Variants in ARHGAP6 observed in about 807,000 individuals in gnomAD.
ARHGAP6 encodes the protein Rho GTPase activating protein 6, also known as rho GTPase-activating protein 6.
In ARHGAP6, 16 loss-of-function variants were observed where a neutral mutation model predicts 55.7. The observed-to-expected ratio is 0.29, with a 90% confidence interval of 0.19 to 0.44. ARHGAP6 has a LOEUF of 0.44. ARHGAP6 is among the 20% of genes least tolerant of loss of function. ARHGAP6 has a pLI of 1.00. For synonymous variants in ARHGAP6, 382 were observed against 360.9 expected (o/e 1.06, Z -0.66); for missense variants, 698 against 808.9 (o/e 0.86, Z 1.66).
In ARHGAP6 at chrX:11,209,389, C is replaced by T. The variant is rs192105700; in HGVS notation, c.749-12393G>A. 5.3e-4 allele frequency among the ~76,000 whole-genome samples: 59 copies of T among 112,000 alleles called. 1 individual carries two copies. Among genetic ancestry groups the T allele is most frequent in the Non-Finnish European group, 8.5e-4 (45 of 53,194 alleles). ...CAAACTCCTGGCCTCAAATGATCTG[C>T]CTGTCTCAGCCTCCCAAATGGCTGG... On this transcript the variant is annotated intron_variant, in intron 2 of 12. Coordinates refer to ENST00000337414, the MANE Select transcript of ARHGAP6 (RefSeq NM_013427.3).
intron 7 of ARHGAP6, 69 bp from the exon 8 acceptor site, chrX:11,178,317 C>G: frequency 9.4e-7 from 1 of 1,068,206 alleles, no homozygotes; most frequent in East Asian, 3.3e-5. Context: ...GAGGAAAGGC[C>G]TCCTCTCAAT....
At chrX:11,156,358 T>C (rs755368374) in intron 10 of ARHGAP6, among the ~76,000 whole-genome samples, 171 bp downstream of exon 10, 1 of 112,612 alleles carries the variant, frequency 8.9e-6, no homozygotes, top group East Asian at 2.8e-4. Context: ...AGTGGATTGA[T>C]GGGACCCGAA....
intron 1 of ARHGAP6, among the ~76,000 whole-genome samples, chrX:11,389,943 A>G (rs1774505583): frequency 8.9e-6 from 1 of 111,999 alleles, no homozygotes; most frequent in Non-Finnish European, 1.9e-5. Flanking sequence ...GGGAACTAGA[A>G]GTCTATTCTA....
chrX:11,438,720 C>T (rs1364230789), intron 1 of ARHGAP6, among the ~76,000 whole-genome samples: 1 of 112,701 alleles, frequency 8.9e-6, no homozygotes, highest in Non-Finnish European at 1.9e-5. Context: ...GAGGTTATCA[C>T]ATAAGATGGG....
chrX:11,540,063 G>T (rs1363487338), intron 1 of ARHGAP6, among the ~76,000 whole-genome samples: 1 of 109,858 alleles, frequency 9.1e-6, no homozygotes, highest in African/African-American at 3.3e-5. Flanking sequence ...AGACCAGCCT[G>T]GCCAAGATGG....
At chrX:11,285,911 A>G (rs1381404013) in intron 1 of ARHGAP6, among the ~76,000 whole-genome samples, 1 of 112,393 alleles carries the variant, frequency 8.9e-6, no homozygotes, top group East Asian at 2.8e-4. Context: ...GTATGATCAA[A>G]TTGTGATTGC....
chrX:11,150,605 T>C (rs2045761628), intron 10 of ARHGAP6, among the ~76,000 whole-genome samples: 1 of 112,247 alleles, frequency 8.9e-6, no homozygotes, highest in Admixed American at 9.4e-5. Context: ...TGTCACTTGG[T>C]CAAGAGAAAC....
intron 1 of ARHGAP6, among the ~76,000 whole-genome samples, chrX:11,502,607 C>A (rs1475124619): frequency 8.9e-6 from 1 of 111,959 alleles, no homozygotes; most frequent in Non-Finnish European, 1.9e-5. Flanking sequence ...AACCCCTCCT[C>A]GACCTCCTTT....
intron 1 of ARHGAP6, among the ~76,000 whole-genome samples, chrX:11,352,572 G>A (rs1198588229): frequency 8.9e-6 from 1 of 111,997 alleles, no homozygotes; most frequent in African/African-American, 3.2e-5. Flanking sequence ...CAAGGGGACA[G>A]ACAAGGGCCA....
intron 1 of ARHGAP6, among the ~76,000 whole-genome samples, chrX:11,627,889 C>T (rs1457862787): frequency 2.7e-5 from 3 of 111,779 alleles, no homozygotes; most frequent in African/African-American, 9.7e-5. Flanking sequence ...TATATGCAAC[C>T]TTCAAGCCTT....
chrX:11,430,829 A>G (rs778093832), intron 1 of ARHGAP6, among the ~76,000 whole-genome samples: 1 of 112,022 alleles, frequency 8.9e-6, no homozygotes, highest in East Asian at 2.8e-4. Context: ...CAGGGCTTTT[A>G]GGGTATCCAT....
intron 1 of ARHGAP6, among the ~76,000 whole-genome samples, chrX:11,637,067 C>T (rs1344111104): frequency 2.7e-5 from 3 of 111,509 alleles, no homozygotes; most frequent in Non-Finnish European, 5.7e-5. Flanking sequence ...AAAAATGTTG[C>T]TTCAATGTAG....
chrX:11,451,399 T>C (rs1294830797), intron 1 of ARHGAP6, among the ~76,000 whole-genome samples: 1 of 112,164 alleles, frequency 8.9e-6, no homozygotes, highest in Admixed American at 9.4e-5. Context: ...AGCTTTCTGG[T>C]GCCATCTGAC....
chrX:11,629,892 A>C (rs1056420323), intron 1 of ARHGAP6, among the ~76,000 whole-genome samples: 2 of 112,023 alleles, frequency 1.8e-5, no homozygotes, highest in Admixed American at 9.5e-5. Flanking sequence ...TTCCAAAAGA[A>C]AAATTTCCAA....
At chrX:11,474,949 G>C (rs2050388848) in intron 1 of ARHGAP6, among the ~76,000 whole-genome samples, 1 of 110,741 alleles carries the variant, frequency 9.0e-6, no homozygotes, top group Admixed American at 9.6e-5. Flanking sequence ...GACCTTTTCT[G>C]CCATGTTTTG....
intron 1 of ARHGAP6, among the ~76,000 whole-genome samples, chrX:11,419,598 A>G (rs2049794588): frequency 8.9e-6 from 1 of 112,028 alleles, no homozygotes; most frequent in Non-Finnish European, 1.9e-5. Flanking sequence ...TCTAATTAAC[A>G]TGGCATCACC....
intron 2 of ARHGAP6, among the ~76,000 whole-genome samples, chrX:11,214,664 G>A (rs1264850118): frequency 8.8e-6 from 1 of 113,295 alleles, no homozygotes; most frequent in Non-Finnish European, 1.9e-5. Flanking sequence ...ACCATGGGTG[G>A]TCCCTGAGGG....
chrX:11,524,420 G>C (rs926100472), intron 1 of ARHGAP6, among the ~76,000 whole-genome samples: 6 of 112,070 alleles, frequency 5.4e-5, no homozygotes, highest in African/African-American at 1.6e-4. Context: ...GCCATCAGTT[G>C]ATATCCTCTC....
At chrX:11,403,632 G>A (rs773655440) in intron 1 of ARHGAP6, among the ~76,000 whole-genome samples, 1 of 112,029 alleles carries the variant, frequency 8.9e-6, no homozygotes, top group South Asian at 3.7e-4. Flanking sequence ...ACACTAATCA[G>A]GCTGAAAGTT....
Sources: gnomAD v4.1 joint callset for allele counts (sites outside exome capture counted in the v4.1 genomes callset) on GRCh38, gnomAD v4.1.1 for gene constraint, MANE v1.5 for transcripts, NCBI Gene and HGNC (gene_info 2026-07-23, HGNC 2026-07-21) for gene names.